MCM9: variants seen among roughly 807,000 people sequenced by gnomAD.
The protein encoded by MCM9 is minichromosome maintenance 9 homologous recombination repair factor, also known as DNA helicase MCM9.
Under a neutral mutation model 72.8 loss-of-function variants are expected in MCM9, and 55 were observed. That is an observed-to-expected ratio of 0.76 (90% CI 0.61 to 0.95). The LOEUF (loss-of-function observed/expected upper bound fraction) is 0.95. MCM9 is among the 40% of genes least tolerant of loss of function. The pLI, the probability that MCM9 is intolerant of heterozygous loss-of-function variation, is 0.00. For synonymous variants in MCM9, 480 were observed against 503.4 expected (o/e 0.95, Z 0.62); for missense variants, 1,279 against 1,377.0 (o/e 0.93, Z 1.13).
chr6:118,894,310 G>A, intron 8 of MCM9: 1 of 1,500,452 alleles, frequency 6.7e-7, no homozygotes, highest in Non-Finnish European at 8.9e-7. Context: ...ACGACGTCTG[G>A]CCGGCGCTGG....
intron 13 of MCM9, among the ~76,000 whole-genome samples, chr6:118,819,712 T>C (rs1773663357): frequency 6.6e-6 from 1 of 152,240 alleles, no homozygotes; most frequent in South Asian, 2.1e-4. Flanking sequence ...CTCCTCTTTG[T>C]ACCTCTGGTA....
Position 118,911,672 on chromosome 6 carries a change from T to C in MCM9, c.1128A>G (p.Thr376=). The change falls in exon 8 of 14, where the codon ACA becomes ACG. Residue 376 remains threonine, a synonymous_variant. Coordinates refer to ENST00000619706, the MANE Select transcript of MCM9 (RefSeq NM_017696.3). ...TACCTGCACTAGTAGATCCAATTCC[T>C]GTGGTCAGCACAGATCTTGGTGTAA... ...AKITPRSVLT[T]GIGSTSAGLT... 6.2e-7 allele frequency: 1 copy of C among 1,611,366 alleles called. No individual in the cohort carries two copies. Among genetic ancestry groups the C allele is most frequent in the Non-Finnish European group, 8.5e-7 (1 of 1,178,564 alleles).
intron 3 of MCM9, among the ~76,000 whole-genome samples, chr6:118,930,401 C>A (rs1464532969): frequency 2.0e-5 from 3 of 152,136 alleles, no homozygotes; most frequent in African/African-American, 7.2e-5. Context: ...CGTGAGCCAC[C>A]GCGCCCGGCT....
In MCM9 at chr6:118,917,378, T is replaced by C. The variant is rs572638304; in HGVS notation, c.904+183A>G. 3.9e-5 allele frequency among the ~76,000 whole-genome samples: 6 copies of C among 152,300 alleles called. No individual in the cohort carries two copies. In the South Asian group the frequency reaches 1.2e-3, roughly 32 times the overall value. On this transcript the variant is annotated intron_variant, in intron 6 of 13. Coordinates refer to ENST00000619706, the MANE Select transcript of MCM9 (RefSeq NM_017696.3). ...AAATATCTCCAGGCAGGTTGCTAAA[T>C]AGAAGAGTATGGCAGAAAAAGGCTT...
At chr6:118,841,808 T>C (rs1244147586) in intron 9 of MCM9, among the ~76,000 whole-genome samples, 1 of 151,776 alleles carries the variant, frequency 6.6e-6, no homozygotes, top group Non-Finnish European at 1.5e-5. Flanking sequence ...AAGATACGTC[T>C]ACTGAGCAAA....
In MCM9 at chr6:118,851,853, C is replaced by T. The variant is rs150900919; in HGVS notation, c.1325+4518G>A. On this transcript the variant is annotated intron_variant, in intron 9 of 13. Transcript: ENST00000619706. The stretch of plus-strand genomic sequence containing the variant: ...CACAATAACAATGCCTACCACAGTG[C>T]GGTGGTCTAAAAAAGCAGCTCTTGA... 7.9e-4 allele frequency among the ~76,000 whole-genome samples: 120 copies of T among 152,254 alleles called. 3 individuals carry two copies. In the East Asian group the frequency reaches 0.019, roughly 24 times the overall value.
Position 118,864,216 on chromosome 6 carries a change from A to G in MCM9, c.1151-7671T>C, listed in dbSNP as rs1458318389. Among the ~76,000 whole-genome samples, 4 of 151,658 alleles carry G rather than the reference A, an allele frequency of 2.6e-5. 1 individual carries two copies. Among genetic ancestry groups the G allele is most frequent in the African/African-American group, 9.7e-5 (4 of 41,190 alleles). On this transcript the variant is annotated intron_variant, in intron 8 of 13. Coordinates refer to ENST00000619706, the MANE Select transcript of MCM9 (RefSeq NM_017696.3). Reference sequence around the variant, plus strand: ...GTCTTTTGTCCCTCACCCCACTCCCACCATTCCCCGAGTCCCCAAAGTCCA... The same window carrying G: ...GTCTTTTGTCCCTCACCCCACTCCCGCCATTCCCCGAGTCCCCAAAGTCCA...
chr6:118,893,708 A>G (rs1583567750), intron 8 of MCM9, among the ~76,000 whole-genome samples: 1 of 151,558 alleles, frequency 6.6e-6, no homozygotes, highest in Non-Finnish European at 1.5e-5. Context: ...CTTTCTCTCT[A>G]CTCCAAATAC....
intron 8 of MCM9, chr6:118,910,616 A>G: frequency 1.0e-6 from 1 of 985,106 alleles, no homozygotes; most frequent in Non-Finnish European, 1.2e-6. Flanking sequence ...AAGCATCTTT[A>G]TTTGTTGTTG....
At position 118,913,335 on chromosome 6, in the gene MCM9, A is replaced by G; in HGVS notation, c.990T>C (p.Gly330=). The change falls in exon 7 of 14, where the codon GGT becomes GGC. Residue 330 remains glycine, a synonymous_variant. Coordinates refer to ENST00000619706, the MANE Select transcript of MCM9 (RefSeq NM_017696.3). ...CTGTAGCATCAGTCCTTTGAATCCC[A>G]CCAGCCAGCACCATGGCCACAGCAA... ...VKLAVAMVLA[G]GIQRTDATGT... 1 of 1,613,828 alleles carries G rather than the reference A, an allele frequency of 6.2e-7. No homozygotes were observed. Among genetic ancestry groups the G allele is most frequent in the Non-Finnish European group, 8.5e-7 (1 of 1,179,980 alleles).
In MCM9 at chr6:118,816,104, G is replaced by A; in HGVS notation, c.2152C>T (p.Pro718Ser). Residue 718 changes from proline (P) to serine (S), a missense_variant, in exon 14 of 14, where the codon CCG (proline) becomes TCG (serine). Pro to Ser is a moderately conservative substitution (Grantham distance 74, BLOSUM62 -1). Transcript: ENST00000619706. ...GTTGATCTATTAGGCTCCAGATGCG[G>A]TGGGGGATCTAGAACTGGGCTTCCC... is the stretch of plus-strand genomic sequence containing the variant. ...PEGSPVLDPP[P>S]HLEPNRSTSR... 6.5e-7 allele frequency: 1 copy of A among 1,550,308 alleles called. No homozygotes were observed. The highest frequency in any genetic ancestry group is 1.4e-5 in the African/African-American group (1 of 73,142).
intron 8 of MCM9, among the ~76,000 whole-genome samples, chr6:118,898,857 C>CT (rs970137463): frequency 3.3e-4 from 50 of 152,194 alleles, no homozygotes; most frequent in African/African-American, 1.0e-3. Context: ...AATTTGTCCT[C>CT]TTATCTTTGG....
intron 8 of MCM9, among the ~76,000 whole-genome samples, chr6:118,869,477 G>C (rs575288404): frequency 2.1e-4 from 32 of 151,398 alleles, no homozygotes; most frequent in Middle Eastern, 6.8e-3. Flanking sequence ...GTAAGCCTCA[G>C]GGTAAACACA....
intron 7 of MCM9, 186 bp from the exon 8 acceptor site, chr6:118,911,955 CAT>C (rs1043665002): frequency 4.5e-6 from 2 of 445,464 alleles, no homozygotes; most frequent in East Asian, 3.4e-5. Flanking sequence ...CTCAATGTGA[CAT>C]AGAATCTAAA....
intron 4 of MCM9, among the ~76,000 whole-genome samples, chr6:118,923,285 A>AT (rs551029225): frequency 0.27 from 38,419 of 144,852 alleles, 5,882 homozygotes; most frequent in African/African-American, 0.43. Flanking sequence ...CTCCAATGTG[A>AT]TTTTTTTTTT....
chr6:118,868,379 A>G (rs1777361693), intron 8 of MCM9, among the ~76,000 whole-genome samples: 2 of 152,184 alleles, frequency 1.3e-5, no homozygotes, highest in African/African-American at 4.8e-5. Context: ...TCATGACTTA[A>G]ATACCAAAAG....
chr6:118,918,928 T>C (rs1335919427), intron 5 of MCM9: 2 of 152,248 alleles, frequency 1.3e-5, no homozygotes. Context: ...ATTTCTAGTT[T>C]AAGGCAACTT....
chr6:118,814,345 C>T lies in MCM9; in HGVS notation c.*479G>A, dbSNP rs1257667992. Reference sequence around the variant, plus strand: ...AATAGTCTGATTTTGGCAAATCATCCAAGTGATTATATTCACTGTACTTAG... The same window carrying T: ...AATAGTCTGATTTTGGCAAATCATCTAAGTGATTATATTCACTGTACTTAG... On this transcript the variant is annotated 3_prime_UTR_variant, in exon 14 of 14. Coordinates refer to ENST00000619706, the MANE Select transcript of MCM9 (RefSeq NM_017696.3). 1 of 146,982 alleles carries T rather than the reference C, an allele frequency of 6.8e-6. No homozygotes were observed. The highest frequency in any genetic ancestry group is 1.5e-5 in the Non-Finnish European group (1 of 67,260). The allele number at this position is 146,982 out of a possible 1,614,324, so 9.1% of individuals were successfully genotyped here.
At chr6:118,893,700 T>C (rs979104236) in intron 8 of MCM9, among the ~76,000 whole-genome samples, 3 of 152,074 alleles carry the variant, frequency 2.0e-5, no homozygotes, top group Non-Finnish European at 4.4e-5. Context: ...CAGCCAATCT[T>C]TCTCTCTACT....
Sources: gnomAD v4.1 joint callset for allele counts (sites outside exome capture counted in the v4.1 genomes callset) on GRCh38, gnomAD v4.1.1 for gene constraint, MANE v1.5 for transcripts, NCBI Gene and HGNC (gene_info 2026-07-23, HGNC 2026-07-21) for gene names.